HHAT: variants seen among roughly 807,000 people sequenced by gnomAD.
HHAT encodes the protein hedgehog acyltransferase.
In HHAT, 47 loss-of-function variants were observed where a neutral mutation model predicts 70.8. That is an observed-to-expected ratio of 0.66 (90% CI 0.53 to 0.85). HHAT has a LOEUF of 0.85. Ranked by LOEUF, HHAT falls within the 40% of genes least tolerant of loss-of-function variation. The pLI is 0.00. For missense variants in HHAT, 609 were observed against 604.8 expected (o/e 1.01, Z -0.07); for synonymous variants, 228 against 247.6 (o/e 0.92, Z 0.74).
intron 1 of HHAT, among the ~76,000 whole-genome samples, chr1:210,344,886 GACGAGTCATCGGA>G (rs1459939429): frequency 2.0e-5 from 3 of 150,786 alleles, no homozygotes; most frequent in Non-Finnish European, 4.4e-5. Context: ...AACAATTCAA[GACGAGTCATCGGA>G]ACAAGTCATG....
In HHAT at chr1:210,329,009, C is replaced by G; in HGVS notation, c.-139C>G. ...TCCCGGGGAAGCCCGCAGCCGCCGC[C>G]GATGTCGCTGGGACTCGGAAGTGCC... On this transcript the variant is annotated 5_prime_UTR_variant, in exon 1 of 12. Transcript: ENST00000261458. 1 of 1,386,772 alleles carries G rather than the reference C, an allele frequency of 7.2e-7. No individual in the cohort carries two copies. Among genetic ancestry groups the G allele is most frequent in the Non-Finnish European group, 9.3e-7 (1 of 1,069,756 alleles). 85.9% of individuals were successfully genotyped at this position (1,386,772 alleles called of 1,614,324 possible).
At chr1:210,348,490 A>G (rs11578182) in intron 1 of HHAT, among the ~76,000 whole-genome samples, 1,839 of 152,194 alleles carry the variant, frequency 0.012, 19 homozygotes, top group Middle Eastern at 0.041. Flanking sequence ...GACTTTTTGA[A>G]GCCATTTATT....
At chr1:210,656,409 C>G (rs200289017) in intron 11 of HHAT, among the ~76,000 whole-genome samples, 7 of 152,130 alleles carry the variant, frequency 4.6e-5, no homozygotes, top group Admixed American at 2.0e-4. Context: ...ACACATACCC[C>G]CCCCGTCCCC....
intron 8 of HHAT, among the ~76,000 whole-genome samples, chr1:210,510,878 A>G (rs575256017): frequency 1.3e-5 from 2 of 152,232 alleles, no homozygotes; most frequent in African/African-American, 4.8e-5. Context: ...GATTTCTTCC[A>G]TGTCTGCTTT....
At chr1:210,671,465 G>A (rs543178017) in intron 11 of HHAT, among the ~76,000 whole-genome samples, 3 of 152,320 alleles carry the variant, frequency 2.0e-5, no homozygotes, top group African/African-American at 7.2e-5. Context: ...AAATTCATGT[G>A]TACCTGGCAC....
chr1:210,613,538 A>G (rs1667010491), intron 10 of HHAT, among the ~76,000 whole-genome samples: 1 of 152,214 alleles, frequency 6.6e-6, no homozygotes, highest in Non-Finnish European at 1.5e-5. Flanking sequence ...AAGTGTTAAA[A>G]TCAGGAAGTT....
At chr1:210,396,936 C>A (rs2091821256) in intron 4 of HHAT, among the ~76,000 whole-genome samples, 1 of 152,154 alleles carries the variant, frequency 6.6e-6, no homozygotes, top group Non-Finnish European at 1.5e-5. Flanking sequence ...CACAAGGAAT[C>A]CTTGTGGTGA....
intron 4 of HHAT, among the ~76,000 whole-genome samples, chr1:210,390,701 C>T (rs1335785524): frequency 6.6e-6 from 1 of 152,158 alleles, no homozygotes; most frequent in Non-Finnish European, 1.5e-5. Flanking sequence ...ATTCTTATGC[C>T]TTTGCGTCTT....
At chr1:210,454,258 G>A (rs1027029936) in intron 7 of HHAT, among the ~76,000 whole-genome samples, 6 of 152,144 alleles carry the variant, frequency 3.9e-5, no homozygotes, top group African/African-American at 7.2e-5. Context: ...TTTGCCCTGT[G>A]TAAAGCTCCC....
chr1:210,547,571 G>T (rs973142970), intron 9 of HHAT, among the ~76,000 whole-genome samples: 1 of 152,010 alleles, frequency 6.6e-6, no homozygotes, highest in Non-Finnish European at 1.5e-5. Context: ...GGTCCCAAAG[G>T]GCCTCTATTT....
intron 9 of HHAT, among the ~76,000 whole-genome samples, chr1:210,571,666 G>C (rs1656299866): frequency 6.6e-6 from 1 of 152,188 alleles, no homozygotes; most frequent in African/African-American, 2.4e-5. Context: ...ACTTGAGAGG[G>C]AGCCTTCCAA....
rs540742215 is a variant in HHAT, at chr1:210,519,571, A to G, written c.1043+6383A>G. 1.0e-4 allele frequency among the ~76,000 whole-genome samples: 13 copies of G among 127,602 alleles called. No individual in the cohort carries two copies. The East Asian group carries it at 1.1e-3, about 11-fold the overall frequency. 83.7% of individuals were successfully genotyped at this position (127,602 alleles called of 152,430 possible). A position where few individuals can be genotyped will look rare whatever the true frequency, so the allele number is the denominator to read the frequency against. ...GAGGCAGGGTCTCCCTCTGTCACCC[A>G]GGCTGGAGTGCAGTGGCGTGATCAT... On this transcript the variant is annotated intron_variant, in intron 9 of 11. Coordinates refer to ENST00000261458, the MANE Select transcript of HHAT (RefSeq NM_018194.6).
intron 11 of HHAT, chr1:210,631,055 T>C (rs1028145622): frequency 4.4e-6 from 2 of 456,618 alleles, no homozygotes; most frequent in African/African-American, 2.0e-5. Context: ...TCCAGGGCTT[T>C]CCTGTGTTTC....
intron 11 of HHAT, among the ~76,000 whole-genome samples, chr1:210,645,356 C>T (rs574367584): frequency 3.9e-5 from 6 of 152,202 alleles, no homozygotes; most frequent in Admixed American, 6.5e-5. Flanking sequence ...CAGCTCACTG[C>T]AAGCTCTGCC....
At chr1:210,386,230 C>CTTTTTTTTTTTTTTTTTTTTTTTTTTTTT (rs869305965) in intron 3 of HHAT, among the ~76,000 whole-genome samples, 3 of 69,922 alleles carry the variant, frequency 4.3e-5, no homozygotes, top group African/African-American at 1.2e-4. Flanking sequence ...TTCTTTTTTT[C>CTTTTTTTTTTTTTTTTTTTTTTTTTTTTT]TTTTTTTTTT....
intron 11 of HHAT, among the ~76,000 whole-genome samples, chr1:210,653,719 A>G (rs940325080): frequency 6.6e-6 from 1 of 152,104 alleles, no homozygotes; most frequent in African/African-American, 2.4e-5. Context: ...TGTATTTTAT[A>G]TTATGCATTA....
chr1:210,607,730 T>TC (rs1375124352), intron 10 of HHAT, among the ~76,000 whole-genome samples: 2 of 151,942 alleles, frequency 1.3e-5, no homozygotes, highest in East Asian at 3.9e-4. Context: ...GGTTTTCTTT[T>TC]CTTTTTTTTT....
intron 11 of HHAT, among the ~76,000 whole-genome samples, chr1:210,663,662 C>T (rs1014108990): frequency 6.6e-6 from 1 of 152,174 alleles, no homozygotes; most frequent in African/African-American, 2.4e-5. Flanking sequence ...AATGCCCTTC[C>T]CCCTGCAGAT....
chr1:210,588,196 G>T (rs1279442059), intron 10 of HHAT, 97 bp downstream of exon 10: 11 of 1,054,572 alleles, frequency 1.0e-5, no homozygotes, highest in African/African-American at 1.6e-5. Flanking sequence ...CCCCACTATG[G>T]GCCCTTTCTA....
Sources: gnomAD v4.1 joint callset for allele counts (sites outside exome capture counted in the v4.1 genomes callset) on GRCh38, gnomAD v4.1.1 for gene constraint, MANE v1.5 for transcripts, NCBI Gene and HGNC (gene_info 2026-07-23, HGNC 2026-07-21) for gene names.